The following SPIRE1 variants were observed in gnomAD, a reference collection of about 807,000 sequenced individuals.
SPIRE1 encodes spire type actin nucleation factor 1.
In SPIRE1, 40 loss-of-function variants were observed where a neutral mutation model predicts 94.1. The ratio of observed to expected loss-of-function variants is 0.43; its 90% CI spans 0.33 to 0.55. The LOEUF is 0.55. Ranked by LOEUF, SPIRE1 falls within the 20% of genes least tolerant of loss-of-function variation. SPIRE1 has a pLI of 0.06. For missense variants in SPIRE1, 838 were observed against 975.2 expected, an observed-to-expected ratio of 0.86 and a Z score of 1.87; for synonymous variants, 376 against 371.7, an observed-to-expected ratio of 1.01 and a Z score of -0.13.
upstream of SPIRE1, among the ~76,000 whole-genome samples, chr18:12,660,947 C>T (rs1211030146): frequency 2.0e-5 from 3 of 152,194 alleles, no homozygotes; most frequent in African/African-American, 7.2e-5. Flanking sequence ...AACATGAACA[C>T]TTGACTCTTT....
At chr18:12,590,961 C>A (rs2036518598) in intron 2 of SPIRE1, among the ~76,000 whole-genome samples, 1 of 152,058 alleles carries the variant, frequency 6.6e-6, no homozygotes. Context: ...TCATTTTATC[C>A]TCACTATTTT....
intron 10 of SPIRE1, among the ~76,000 whole-genome samples, chr18:12,478,984 ATGTG>A (rs902581396): frequency 6.6e-6 from 1 of 151,784 alleles, no homozygotes; most frequent in African/African-American, 2.4e-5. Context: ...GTGTGTGTAT[ATGTG>A]TGTGTGTATT....
chr18:12,607,262 G>A (rs996775834), intron 2 of SPIRE1, among the ~76,000 whole-genome samples: 3 of 152,038 alleles, frequency 2.0e-5, no homozygotes, highest in Non-Finnish European at 4.4e-5. Context: ...AATTTCCCTT[G>A]TATCTTACAC....
chr18:12,525,875 A>G (rs956263085), intron 4 of SPIRE1, among the ~76,000 whole-genome samples: 1 of 152,120 alleles, frequency 6.6e-6, no homozygotes, highest in Non-Finnish European at 1.5e-5. Context: ...CCTAGGATGC[A>G]GTTCATCTTC....
chr18:12,642,219 A>G (rs1485357109), intron 1 of SPIRE1, among the ~76,000 whole-genome samples: 1 of 152,192 alleles, frequency 6.6e-6, no homozygotes, highest in Non-Finnish European at 1.5e-5. Context: ...CAGAACTTGC[A>G]TCTTCTTCCT....
chr18:12,608,363 A>G (rs1357115767), intron 2 of SPIRE1, among the ~76,000 whole-genome samples: 2 of 152,208 alleles, frequency 1.3e-5, no homozygotes, highest in African/African-American at 4.8e-5. Context: ...TTATACTACA[A>G]TGAACCATTA....
chr18:12,638,507 G>C (rs9949582), intron 1 of SPIRE1, among the ~76,000 whole-genome samples: 85,360 of 151,956 alleles, frequency 0.56, 25,093 homozygotes, highest in Middle Eastern at 0.76. Flanking sequence ...AGTCAAATGA[G>C]TTGCACATAA....
intron 2 of SPIRE1, among the ~76,000 whole-genome samples, chr18:12,575,952 C>T (rs550627534): frequency 1.3e-5 from 2 of 152,270 alleles, no homozygotes; most frequent in Admixed American, 1.3e-4. Context: ...GCCTGTAATC[C>T]CAGCACTTCG....
chr18:12,489,504 T>C (rs1040824370), intron 8 of SPIRE1, among the ~76,000 whole-genome samples: 3 of 152,206 alleles, frequency 2.0e-5, no homozygotes, highest in African/African-American at 7.2e-5. Flanking sequence ...TATTTTCCAA[T>C]CTCTATATCA....
intron 12 of SPIRE1, among the ~76,000 whole-genome samples, chr18:12,454,757 T>A (rs1336217439): frequency 6.6e-6 from 1 of 152,200 alleles, no homozygotes; most frequent in East Asian, 1.9e-4. Flanking sequence ...TTGACTCAAG[T>A]AACTCTATTC....
At chr18:12,475,291 G>A (rs763437003) in intron 10 of SPIRE1, among the ~76,000 whole-genome samples, 56 of 152,152 alleles carry the variant, frequency 3.7e-4, no homozygotes, top group Non-Finnish European at 7.2e-4. Flanking sequence ...TCACTGAACT[G>A]ACCTCTGCCG....
intron 1 of SPIRE1, among the ~76,000 whole-genome samples, chr18:12,656,138 A>T (rs1287328200): frequency 1.3e-5 from 2 of 152,152 alleles, no homozygotes; most frequent in Admixed American, 6.5e-5. Context: ...ACCTCAGGTG[A>T]TCCACCTGCC....
intron 1 of SPIRE1, among the ~76,000 whole-genome samples, chr18:12,636,550 A>T (rs921965084): frequency 2.0e-5 from 3 of 152,084 alleles, no homozygotes; most frequent in African/African-American, 7.2e-5. Context: ...ATAAAAGAAG[A>T]CAACCACAAC....
At chr18:12,658,672 G>T (rs1267940468), upstream of SPIRE1, 3 of 452,822 alleles carry the variant, frequency 6.6e-6, no homozygotes, top group African/African-American at 6.1e-5. Context: ...CGGGCCCTGG[G>T]CCCTGAAAGC....
chr18:12,551,717 T>C (rs562079495), intron 2 of SPIRE1, among the ~76,000 whole-genome samples: 1 of 145,382 alleles, frequency 6.9e-6, no homozygotes, highest in African/African-American at 2.5e-5. Context: ...AAAAAAAAAA[T>C]ATGGGGCGGG....
chr18:12,496,607 C>T (rs1286635350), intron 6 of SPIRE1, among the ~76,000 whole-genome samples: 1 of 152,164 alleles, frequency 6.6e-6, no homozygotes, highest in Non-Finnish European at 1.5e-5. Context: ...TGGTGGCTCA[C>T]GTCTGTAATC....
chr18:12,635,077 T>C lies in SPIRE1; in HGVS notation c.357A>G (p.Gln119=), dbSNP rs138642309. ...TTTCACTTACCTCTGTTTCCATACA[T>C]TGTGAATATCCCAATTTACCTGTAA... ...PPVAGKLGYS[Q]CMETEVIESL... Residue 119 remains glutamine (Q), a synonymous_variant, in exon 2 of 17, where the codon CAA becomes CAG. Transcript: ENST00000409402. The C allele has an allele frequency of 4.5e-5, 65 of 1,455,608 alleles. No homozygotes were observed. The African/African-American group carries it at 8.9e-4, about 20-fold the overall frequency. 90.2% of individuals were successfully genotyped at this position (1,455,608 alleles called of 1,614,324 possible). A position where few individuals can be genotyped will look rare whatever the true frequency, so the allele number is the denominator to read the frequency against.
intron 8 of SPIRE1, among the ~76,000 whole-genome samples, chr18:12,490,165 A>G (rs1020357285): frequency 2.0e-5 from 3 of 152,206 alleles, no homozygotes; most frequent in Non-Finnish European, 2.9e-5. Flanking sequence ...TAACAGCTCA[A>G]TTCTGGTGGT....
At chr18:12,591,626 T>A (rs1231703993) in intron 2 of SPIRE1, among the ~76,000 whole-genome samples, 3 of 152,154 alleles carry the variant, frequency 2.0e-5, no homozygotes, top group Non-Finnish European at 2.9e-5. Flanking sequence ...ATACATTGAC[T>A]GTTAGGTATT....
Sources: gnomAD v4.1 joint callset for allele counts (sites outside exome capture counted in the v4.1 genomes callset) on GRCh38, gnomAD v4.1.1 for gene constraint, MANE v1.5 for transcripts, NCBI Gene and HGNC (gene_info 2026-07-23, HGNC 2026-07-21) for gene names.